The following RTN3 variants were observed in gnomAD, a reference collection of about 807,000 sequenced individuals.
RTN3 encodes reticulon 3.
A neutral mutation model predicts 77.8 loss-of-function variants in RTN3; 49 were observed. The ratio of observed to expected loss-of-function variants is 0.63; its 90% CI spans 0.50 to 0.80. The LOEUF is 0.80. Ranked by LOEUF, RTN3 falls within the 30% of genes least tolerant of loss-of-function variation. The probability of loss-of-function intolerance (pLI) is 0.00; values close to 1 mark genes in which losing one functional copy is unlikely to be tolerated. For synonymous variants in RTN3, 464 were observed against 446.9 expected, an observed-to-expected ratio of 1.04 and a Z score of -0.48; for missense variants, 1,236 against 1,211.9, an observed-to-expected ratio of 1.02 and a Z score of -0.29.
chr11:63,711,385 T>A (rs1193823657), intron 2 of RTN3, among the ~76,000 whole-genome samples: 2 of 117,468 alleles, frequency 1.7e-5, no homozygotes, highest in African/African-American at 5.7e-5. Context: ...GGGTTTTTTA[T>A]TTTTTTTTTG....
Position 63,718,743 on chromosome 11 carries a change from A to G in RTN3, c.241A>G (p.Ile81Val), listed in dbSNP as rs2011543158. Residue 81 changes from isoleucine (I) to valine (V), a missense_variant, in exon 3 of 9, where the codon ATT becomes GTT. By Grantham distance (29) the Ile-to-Val change is conservative (BLOSUM62 3). Coordinates refer to ENST00000377819, the MANE Select transcript of RTN3 (RefSeq NM_001265589.2). Reference protein sequence around the residue: ...SLCSDEPSSEIMTSSFLSSSE... With the variant: ...SLCSDEPSSEVMTSSFLSSSE... ...TTGCTCTGATGAGCCATCTTCAGAAATTATGACTTCTTCCTTTCTTTCATC... is the reference window on the plus strand; with the variant it reads ...TTGCTCTGATGAGCCATCTTCAGAAGTTATGACTTCTTCCTTTCTTTCATC... 8 of 1,601,706 alleles carry G rather than the reference A, an allele frequency of 5.0e-6. No homozygotes were observed. Among genetic ancestry groups the G allele is most frequent in the Non-Finnish European group, 6.8e-6 (8 of 1,176,858 alleles).
At chr11:63,686,840 A>C (rs1302066749) in intron 1 of RTN3, among the ~76,000 whole-genome samples, 1 of 152,172 alleles carries the variant, frequency 6.6e-6, no homozygotes, top group Non-Finnish European at 1.5e-5. Context: ...TAAAAAAAAG[A>C]AAAGAAAAGG....
intron 2 of RTN3, among the ~76,000 whole-genome samples, chr11:63,716,331 A>G (rs2011396038): frequency 6.6e-6 from 1 of 151,380 alleles, no homozygotes; most frequent in Non-Finnish European, 1.5e-5. Flanking sequence ...TGTTTACATG[A>G]AAAAGGGAAC....
At chr11:63,735,467 G>GACATAACAAC (rs1165375769) in intron 3 of RTN3, among the ~76,000 whole-genome samples, 1 of 150,682 alleles carries the variant, frequency 6.6e-6, no homozygotes, top group Non-Finnish European at 1.5e-5. Context: ...TCATGAATTG[G>GACATAACAAC]AAGACTCAGT....
chr11:63,685,301 C>T (rs2134607154), intron 1 of RTN3, among the ~76,000 whole-genome samples: 1 of 151,482 alleles, frequency 6.6e-6, no homozygotes, highest in Middle Eastern at 3.4e-3. Context: ...TAGAGACCAG[C>T]CTGAACAACA....
At chr11:63,757,441 C>T (rs1482322605) in intron 8 of RTN3, among the ~76,000 whole-genome samples, 1 of 152,104 alleles carries the variant, frequency 6.6e-6, no homozygotes, top group African/African-American at 2.4e-5. Context: ...CAGCCTTGAC[C>T]TCTGACCTCC....
At chr11:63,734,117 T>G (rs1565332867) in intron 3 of RTN3, among the ~76,000 whole-genome samples, 1 of 152,170 alleles carries the variant, frequency 6.6e-6, no homozygotes, top group Non-Finnish European at 1.5e-5. Flanking sequence ...GATGTCATCC[T>G]TAATACTGAA....
intron 3 of RTN3, 150 bp from the exon 4 acceptor site, chr11:63,749,841 G>A: frequency 1.6e-6 from 1 of 643,962 alleles, no homozygotes; most frequent in Non-Finnish European, 2.7e-6. Context: ...GGGCAACATA[G>A]TGAGACCCCA....
chr11:63,709,483 A>G (rs921675114), intron 2 of RTN3, among the ~76,000 whole-genome samples: 2 of 152,126 alleles, frequency 1.3e-5, no homozygotes, highest in African/African-American at 4.8e-5. Flanking sequence ...CTTGCATTCA[A>G]TTTGACTAAT....
intron 3 of RTN3, among the ~76,000 whole-genome samples, chr11:63,731,238 G>A (rs535304384): frequency 1.3e-5 from 2 of 151,726 alleles, no homozygotes; most frequent in East Asian, 1.9e-4. Context: ...GTACCACCAC[G>A]CCCACTAATT....
chr11:63,752,482 T>A, intron 4 of RTN3, 25 bp from the exon 5 acceptor site: 3 of 1,606,740 alleles, frequency 1.9e-6, no homozygotes, highest in Non-Finnish European at 2.6e-6. Context: ...GTCAAATGTA[T>A]GACTGTTATT....
chr11:63,713,880 C>A, intron 2 of RTN3: 1 of 343,366 alleles, frequency 2.9e-6, no homozygotes. Flanking sequence ...TAAAATAATC[C>A]AGATTTATTC....
chr11:63,734,722 ACT>A (rs1281531763), intron 3 of RTN3, among the ~76,000 whole-genome samples: 2 of 145,118 alleles, frequency 1.4e-5, no homozygotes, highest in Admixed American at 7.1e-5. Context: ...ATAGAGGGAG[ACT>A]CTGTCTCAAA....
chr11:63,736,877 A>T (rs557779451), intron 3 of RTN3, among the ~76,000 whole-genome samples: 58 of 152,092 alleles, frequency 3.8e-4, no homozygotes, highest in Non-Finnish European at 6.5e-4. Flanking sequence ...CTATCCCATC[A>T]TATTCACAGG....
intron 2 of RTN3, among the ~76,000 whole-genome samples, chr11:63,716,263 G>A (rs1454079090): frequency 6.6e-6 from 1 of 152,000 alleles, no homozygotes; most frequent in Non-Finnish European, 1.5e-5. Context: ...AAATATTTTT[G>A]TCTTTAATAA....
intron 7 of RTN3, among the ~76,000 whole-genome samples, chr11:63,754,782 C>G (rs886480813): frequency 1.4e-5 from 2 of 147,092 alleles, no homozygotes; most frequent in Admixed American, 6.8e-5. Flanking sequence ...AAAAAATTAG[C>G]CAGGCATGGT....
intron 3 of RTN3, among the ~76,000 whole-genome samples, chr11:63,733,951 C>T (rs1214547477): frequency 3.3e-5 from 5 of 151,866 alleles, no homozygotes; most frequent in African/African-American, 1.2e-4. Flanking sequence ...CACAGACACA[C>T]ATATATATAT....
At chr11:63,727,924 ACAC>A (rs1365007039) in intron 3 of RTN3, among the ~76,000 whole-genome samples, 61 of 152,208 alleles carry the variant, frequency 4.0e-4, no homozygotes, top group Non-Finnish European at 1.0e-4. Flanking sequence ...CGCTCATCAA[ACAC>A]CACCTACTAG....
intron 8 of RTN3, 30 bp downstream of exon 8, chr11:63,756,200 G>C (rs752648119): frequency 6.7e-7 from 1 of 1,496,446 alleles, no homozygotes; most frequent in African/African-American, 1.4e-5. Flanking sequence ...ACATCATCAT[G>C]AGGTATGCTT....
Sources: allele counts gnomAD v4.1 joint callset (sites outside exome capture counted in the v4.1 genomes callset), GRCh38; gene constraint gnomAD v4.1.1; transcripts MANE v1.5; gene names NCBI Gene and HGNC (gene_info 2026-07-23, HGNC 2026-07-21).